Variants in OC90 observed in about 807,000 individuals in gnomAD.
OC90 encodes the protein otoconin-90.
OC90 carries 46 observed loss-of-function variants against 47.3 expected under a neutral mutation model. The observed-to-expected ratio is 0.97, with a 90% CI of 0.77 to 1.24. The LOEUF (loss-of-function observed/expected upper bound fraction) is 1.24, where lower values mean the gene tolerates loss of function less well. Ranked by LOEUF, OC90 falls within the 50% of genes most tolerant of loss-of-function variation. The pLI, the probability that OC90 is intolerant of heterozygous loss-of-function variation, is 0.00. For missense variants in OC90, 688 were observed against 583.9 expected, an observed-to-expected ratio of 1.18 and a Z score of -1.84; for synonymous variants, 271 against 219.5, an observed-to-expected ratio of 1.23 and a Z score of -2.07.
At chr8:132,033,508 G>A (rs934263892) in intron 10 of OC90, among the ~76,000 whole-genome samples, 4 of 152,148 alleles carry the variant, frequency 2.6e-5, no homozygotes, top group African/African-American at 9.7e-5. Flanking sequence ...AAGTGAAGAG[G>A]TAAAGAAACT....
intron 9 of OC90, chr8:132,036,446 T>C (rs897849276): frequency 1.3e-5 from 10 of 780,194 alleles, no homozygotes; most frequent in Non-Finnish European, 2.4e-5. Context: ...CCGATTTTAA[T>C]GATCAGTTCA....
chr8:132,031,008 T>C (rs77562408), intron 12 of OC90, among the ~76,000 whole-genome samples: 7,487 of 152,276 alleles, frequency 0.049, 261 homozygotes, highest in Non-Finnish European at 0.074. Flanking sequence ...GAGAAGGACA[T>C]GTGCCTTTTG....
Position 132,038,815 on chromosome 8 carries a change from T to C in OC90, c.603A>G (p.Glu201=). 6.2e-7 allele frequency: 1 copy of C among 1,613,902 alleles called. No homozygotes were observed. Residue 201 remains glutamate (E), a synonymous_variant, in exon 8 of 14, where the codon GAA becomes GAG. Coordinates refer to ENST00000254627, the MANE Select transcript of OC90 (RefSeq NM_001080399.3). ...LAQTPETTIK[E]DLTTLLPRVV... is the part of the protein sequence containing the mutation. Reference sequence around the variant, plus strand: ...CTCTGGGCAGAAGTGTTGTCAAGTCTTCCTTGATGGTTGTCTCTGAAAAGA... The same window carrying C: ...CTCTGGGCAGAAGTGTTGTCAAGTCCTCCTTGATGGTTGTCTCTGAAAAGA...
At chr8:132,027,967 CTG>C (rs1822783144) in intron 13 of OC90, among the ~76,000 whole-genome samples, 1 of 152,220 alleles carries the variant, frequency 6.6e-6, no homozygotes, top group South Asian at 2.1e-4. Context: ...TTATTTCTAA[CTG>C]TGTGATCTTG....
At position 132,037,498 on chromosome 8, in the gene OC90, G is replaced by C. The variant is rs1563730579; in HGVS notation, c.629-10C>G. On this transcript the variant is annotated splice_polypyrimidine_tract_variant and intron_variant, in intron 8 of 13. Transcript: ENST00000254627. ...GGCTCCACAGGAACCACTGGAAAAAGAGAGTTCCCAATAGCAGTGACTCAT... is the reference window on the plus strand; with the variant it reads ...GGCTCCACAGGAACCACTGGAAAAACAGAGTTCCCAATAGCAGTGACTCAT... 5 of 1,573,160 alleles carry C rather than the reference G, an allele frequency of 3.2e-6. No individual in the cohort carries two copies. Among genetic ancestry groups the C allele is most frequent in the South Asian group, 1.2e-5 (1 of 85,564 alleles).
chr8:132,024,575 T>C lies in OC90; in HGVS notation c.1340A>G (p.Glu447Gly). 1 of 1,613,348 alleles carries C rather than the reference T, an allele frequency of 6.2e-7. No individual in the cohort carries two copies. The highest frequency in any genetic ancestry group is 8.5e-7 in the Non-Finnish European group (1 of 1,179,586). ...TLGSSSEEDS[E>G]EDPPQEDLGR... Reference sequence around the variant, plus strand: ...GAGGTCCTCCTGTGGAGGGTCCTCCTCGCTGTCCTCCTCAGAGCTGGAGCC... The same window carrying C: ...GAGGTCCTCCTGTGGAGGGTCCTCCCCGCTGTCCTCCTCAGAGCTGGAGCC... Residue 447 changes from glutamate to glycine, a missense_variant, in exon 14 of 14, where the codon GAG becomes GGG. Glu to Gly is a moderately conservative substitution (Grantham distance 98). Coordinates refer to ENST00000254627, the MANE Select transcript of OC90 (RefSeq NM_001080399.3).
chr8:132,028,643 G>A (rs13260979), intron 13 of OC90, among the ~76,000 whole-genome samples: 6 of 103,298 alleles, frequency 5.8e-5, no homozygotes, highest in Admixed American at 2.3e-4. Flanking sequence ...GGAAAGAAAG[G>A]AAGGAAGGAA....
At chr8:132,028,647 G>A (rs866554579) in intron 13 of OC90, among the ~76,000 whole-genome samples, 8 of 102,878 alleles carry the variant, frequency 7.8e-5, no homozygotes, top group African/African-American at 2.2e-4. Context: ...AGAAAGGAAG[G>A]AAGGAAGAAA....
At chr8:132,024,945 G>T (rs1306540543) in intron 13 of OC90, among the ~76,000 whole-genome samples, 169 bp from the exon 14 acceptor site, 1 of 152,180 alleles carries the variant, frequency 6.6e-6, no homozygotes, top group South Asian at 2.1e-4. Flanking sequence ...CCTCCTGCTG[G>T]GAATGATCCC....
chr8:132,057,637 A>G lies in OC90; in HGVS notation c.-48+1704T>C, dbSNP rs536829005. Among the ~76,000 whole-genome samples, 4 of 152,362 alleles carry G rather than the reference A, an allele frequency of 2.6e-5. No homozygotes were observed. The East Asian group carries it at 5.8e-4, about 22-fold the overall frequency. ...AGCTGTACACTTAAAAGTGGCTGAC[A>G]TGGTCAATATTATGTATATTTTACC... is the stretch of plus-strand genomic sequence containing the variant. On this transcript the variant is annotated intron_variant, in intron 1 of 13. Coordinates refer to ENST00000254627, the MANE Select transcript of OC90 (RefSeq NM_001080399.3).
In OC90 at chr8:132,039,050, G is replaced by A. The variant is rs1017251870; in HGVS notation, c.531C>T (p.Ser177=). 6.2e-7 allele frequency: 1 copy of A among 1,613,792 alleles called. No homozygotes were observed. The highest frequency in any genetic ancestry group is 8.5e-7 in the Non-Finnish European group (1 of 1,179,860). The change falls in exon 7 of 14, where the codon AGC becomes AGT. Residue 177 remains serine, a synonymous_variant. Transcript: ENST00000254627. The stretch of plus-strand genomic sequence containing the variant: ...CCAGAAGGTTCAGGGAAGAGTTGAG[G>A]CTGGATCGAGCCAAGCACTCTATGG... ...KAAIECLARS[S]LNSSLNLLDT...
intron 4 of OC90, 75 bp from the exon 5 acceptor site, chr8:132,041,774 C>T (rs2130858881): frequency 2.4e-6 from 2 of 828,430 alleles, no homozygotes; most frequent in East Asian, 2.6e-5. Flanking sequence ...CCCTGGACTT[C>T]CTATACCTCA....
intron 5 of OC90, 149 bp downstream of exon 5, chr8:132,041,376 A>G: frequency 1.5e-6 from 1 of 685,230 alleles, no homozygotes. Context: ...TGTAAAGATG[A>G]GTCACCCAAC....
At chr8:132,026,853 T>C in intron 13 of OC90, among the ~76,000 whole-genome samples, 1 of 152,134 alleles carries the variant, frequency 6.6e-6, no homozygotes, top group Admixed American at 6.5e-5. Flanking sequence ...CAAATGGGTT[T>C]CTTGGGCTCA....
intron 10 of OC90, among the ~76,000 whole-genome samples, chr8:132,034,437 G>A (rs746100561): frequency 1.3e-4 from 20 of 152,174 alleles, no homozygotes; most frequent in Non-Finnish European, 2.4e-4. Flanking sequence ...CAGCTAGAAC[G>A]TTCTACAAGC....
At chr8:132,038,246 C>A (rs1210717614) in intron 8 of OC90, among the ~76,000 whole-genome samples, 1 of 152,182 alleles carries the variant, frequency 6.6e-6, no homozygotes, top group Non-Finnish European at 1.5e-5. Context: ...TTATTAAGCA[C>A]CTACCCTGTT....
chr8:132,036,480 G>A, intron 9 of OC90: 1 of 777,420 alleles, frequency 1.3e-6, no homozygotes, highest in Admixed American at 1.7e-5. Context: ...GCCAAACAGG[G>A]GAAACAGATT....
intron 2 of OC90, among the ~76,000 whole-genome samples, chr8:132,046,243 T>TAAATACATGAA (rs11273126): frequency 0.36 from 54,595 of 151,460 alleles, 10,044 homozygotes; most frequent in East Asian, 0.47. Context: ...TGGAAAGAGG[T>TAAATACATGAA]AAATACCCCA....
intron 2 of OC90, among the ~76,000 whole-genome samples, chr8:132,050,387 C>A (rs4736536): frequency 0.3 from 46,127 of 151,974 alleles, 7,308 homozygotes; most frequent in East Asian, 0.48. Flanking sequence ...ACTTTGGAAT[C>A]TGTCACTCAT....
Sources: allele counts gnomAD v4.1 joint callset (sites outside exome capture counted in the v4.1 genomes callset), GRCh38; gene constraint gnomAD v4.1.1; transcripts MANE v1.5; gene names NCBI Gene and HGNC (gene_info 2026-07-23, HGNC 2026-07-21).